Variants in CARMIL1 observed in about 807,000 individuals in gnomAD.
The protein encoded by CARMIL1 is F-actin-uncapping protein LRRC16A.
In CARMIL1, 90 loss-of-function variants were observed where a neutral mutation model predicts 177.1. That is an observed-to-expected ratio of 0.51 (90% confidence interval 0.43 to 0.61). The LOEUF (loss-of-function observed/expected upper bound fraction) is 0.61, where lower values mean the gene tolerates loss of function less well. Among genes scored for constraint, CARMIL1 ranks in the 20% least tolerant of loss-of-function variants. The pLI is 0.00. For missense variants in CARMIL1, 1,380 were observed against 1,667.0 expected (o/e 0.83, Z 3.00); for synonymous variants, 577 against 606.2 (o/e 0.95, Z 0.71).
At chr6:25,565,442 A>G (rs960186387) in intron 29 of CARMIL1, among the ~76,000 whole-genome samples, 1 of 152,214 alleles carries the variant, frequency 6.6e-6, no homozygotes. Context: ...TCCATGCCCA[A>G]GTAAAGCCAC....
At chr6:25,474,714 G>A (rs1046336772) in intron 11 of CARMIL1, among the ~76,000 whole-genome samples, 1 of 152,182 alleles carries the variant, frequency 6.6e-6, no homozygotes, top group Non-Finnish European at 1.5e-5. Context: ...AAAAACAAAT[G>A]TTTCTCTATT....
At chr6:25,374,675 A>C (rs1790801638) in intron 2 of CARMIL1, among the ~76,000 whole-genome samples, 1 of 152,150 alleles carries the variant, frequency 6.6e-6, no homozygotes, top group African/African-American at 2.4e-5. Flanking sequence ...GTCGTGTAGT[A>C]ATTGTTTTAT....
Position 25,548,739 on chromosome 6 carries a change from C to G in CARMIL1, c.2329-2171C>G, listed in dbSNP as rs536581184. ...TAAGTAATGAAGCAGAGACGGAAGGCACATTCTTTTGGATACTGATCAGGG... is the reference window on the plus strand; with the variant it reads ...TAAGTAATGAAGCAGAGACGGAAGGGACATTCTTTTGGATACTGATCAGGG... On this transcript the variant is annotated intron_variant, in intron 26 of 36. Coordinates refer to ENST00000329474, the MANE Select transcript of CARMIL1 (RefSeq NM_017640.6). Among the ~76,000 whole-genome samples, 18 of 152,226 alleles carry G rather than the reference C, an allele frequency of 1.2e-4. 1 individual carries two copies. The East Asian group carries it at 1.5e-3, about 13-fold the overall frequency.
intron 2 of CARMIL1, among the ~76,000 whole-genome samples, chr6:25,358,857 G>A (rs1175310474): frequency 6.6e-6 from 1 of 152,204 alleles, no homozygotes; most frequent in African/African-American, 2.4e-5. Context: ...AACAACTTGA[G>A]AAGGATTCAA....
At chr6:25,563,124 G>A (rs1811277713) in intron 29 of CARMIL1, 7 of 549,978 alleles carry the variant, frequency 1.3e-5, no homozygotes, top group Non-Finnish European at 1.6e-5. Context: ...AGATTTAATG[G>A]CTCCTGGGTA....
chr6:25,281,065 A>G (rs968864917), intron 1 of CARMIL1, among the ~76,000 whole-genome samples: 2 of 151,984 alleles, frequency 1.3e-5, no homozygotes, highest in African/African-American at 4.8e-5. Flanking sequence ...GCTGAATTAC[A>G]GACAAACCTG....
In CARMIL1 at chr6:25,356,278, C is replaced by T. The variant is rs572632270; in HGVS notation, c.139-63836C>T. On this transcript the variant is annotated intron_variant, in intron 2 of 36. Coordinates refer to ENST00000329474, the MANE Select transcript of CARMIL1 (RefSeq NM_017640.6). ...TTCACCTTGTTAGCCAGGATGGTCT[C>T]GATCTCCTGACCTCATGATCCACCC... 6.4e-3 allele frequency among the ~76,000 whole-genome samples: 975 copies of T among 152,102 alleles called. 8 individuals carry two copies. The highest frequency in any genetic ancestry group is 0.022 in the African/African-American group (917 of 41,492).
At position 25,600,328 on chromosome 6, in the gene CARMIL1, G is replaced by A; in HGVS notation, c.3134G>A (p.Arg1045Lys). ...TTGAAATGCAGGAAATGGTCAACAA[G>A]AGGCTCAGAGTCCCATGAGCTTAAT... ...TKMDSKKWST[R>K]GSESHELNEG... Residue 1045 changes from arginine (R) to lysine (K), a missense_variant, in exon 33 of 37, where the codon AGA becomes AAA. Coordinates refer to ENST00000329474, the MANE Select transcript of CARMIL1 (RefSeq NM_017640.6). The A allele has an allele frequency of 6.2e-7, 1 of 1,609,780 alleles. No individual in the cohort carries two copies. The highest frequency in any genetic ancestry group is 8.5e-7 in the Non-Finnish European group (1 of 1,177,984).
chr6:25,611,228 C>T (rs1185907264), intron 36 of CARMIL1, among the ~76,000 whole-genome samples: 1 of 152,214 alleles, frequency 6.6e-6, no homozygotes, highest in Non-Finnish European at 1.5e-5. Flanking sequence ...GCTTCACTCA[C>T]TTATTTGCTA....
chr6:25,452,002 C>CCG (rs1554199131), intron 8 of CARMIL1: 2 of 258,928 alleles, frequency 7.7e-6, no homozygotes, highest in South Asian at 7.8e-5. Context: ...CCCTCCCCCC[C>CCG]CCAGAATACT....
intron 31 of CARMIL1, among the ~76,000 whole-genome samples, chr6:25,584,544 A>T (rs1813461967): frequency 6.6e-6 from 1 of 151,804 alleles, no homozygotes; most frequent in African/African-American, 2.4e-5. Flanking sequence ...TTTATGTGAC[A>T]TGGGAACCTT....
intron 34 of CARMIL1, 51 bp from the exon 35 acceptor site, chr6:25,606,010 G>A (rs1342411370): frequency 1.5e-6 from 2 of 1,351,448 alleles, no homozygotes; most frequent in East Asian, 4.6e-5. Context: ...CTAGCTTCAA[G>A]TTATTGGCTT....
chr6:25,466,789 G>C (rs1488934899), intron 9 of CARMIL1, among the ~76,000 whole-genome samples: 1 of 152,128 alleles, frequency 6.6e-6, no homozygotes. Context: ...GGTAGGGGTG[G>C]CCTAAAACAT....
intron 8 of CARMIL1, among the ~76,000 whole-genome samples, chr6:25,460,118 A>G (rs1007820839): frequency 2.6e-5 from 4 of 152,224 alleles, no homozygotes; most frequent in Admixed American, 2.6e-4. Context: ...ACGAGGAAGG[A>G]TCTGTCCTGC....
At chr6:25,472,404 CT>C (rs767200134) in intron 10 of CARMIL1, 22 bp from the exon 11 acceptor site, 1 of 1,481,498 alleles carries the variant, frequency 6.7e-7, no homozygotes, top group African/African-American at 1.4e-5. Context: ...GTTATTTAAT[CT>C]TATTGTTTTG....
chr6:25,372,584 C>T (rs548255871), intron 2 of CARMIL1, among the ~76,000 whole-genome samples: 1 of 152,106 alleles, frequency 6.6e-6, no homozygotes, highest in African/African-American at 2.4e-5. Flanking sequence ...GATTTGTGTA[C>T]ATTGATTTTG....
intron 2 of CARMIL1, among the ~76,000 whole-genome samples, chr6:25,343,734 C>G (rs539430907): frequency 1.5e-4 from 23 of 152,132 alleles, no homozygotes; most frequent in Non-Finnish European, 2.2e-4. Context: ...AAACCCCCCA[C>G]TTCCTCACCT....
At chr6:25,519,185 A>C (rs756386262) in intron 22 of CARMIL1, among the ~76,000 whole-genome samples, 9 of 152,160 alleles carry the variant, frequency 5.9e-5, no homozygotes, top group Non-Finnish European at 1.2e-4. Flanking sequence ...ATGTCGTCTA[A>C]ATATGGCTGA....
rs751181035 is a variant in CARMIL1 at position 25,284,926 on chromosome 6, A to T, written c.138+17A>T. The T allele has an allele frequency of 4.3e-5, 61 of 1,403,848 alleles. 1 individual carries two copies. The highest frequency in any genetic ancestry group is 6.0e-5 in the Non-Finnish European group (61 of 1,014,574). 87.0% of individuals were successfully genotyped at this position (1,403,848 alleles called of 1,614,324 possible). A position where few individuals can be genotyped will look rare whatever the true frequency, so the allele number is the denominator to read the frequency against. On this transcript the variant is annotated intron_variant, in intron 2 of 36. Transcript: ENST00000329474. Reference sequence around the variant, plus strand: ...AAAGTGCTGGTAAGTATTGCTGTTTATTTTTATTAAATGTTTGGAAATGAA... The same window carrying T: ...AAAGTGCTGGTAAGTATTGCTGTTTTTTTTTATTAAATGTTTGGAAATGAA...
Sources: gnomAD v4.1 joint callset for allele counts (sites outside exome capture counted in the v4.1 genomes callset) on GRCh38, gnomAD v4.1.1 for gene constraint, MANE v1.5 for transcripts, NCBI Gene and HGNC (gene_info 2026-07-23, HGNC 2026-07-21) for gene names.